The following PHF8 variants were observed in gnomAD, a reference collection of about 807,000 sequenced individuals.
PHF8 encodes the protein histone lysine demethylase PHF8.
A neutral mutation model predicts 74.4 loss-of-function variants in PHF8; 9 were observed. The observed-to-expected ratio is 0.12, with a 90% CI of 0.07 to 0.21. The LOEUF is 0.21. PHF8 is among the 10% of genes least tolerant of loss of function. The probability of loss-of-function intolerance (pLI) is 1.00; values close to 1 mark genes in which losing one functional copy is unlikely to be tolerated. For synonymous variants in PHF8, 311 were observed against 316.6 expected (o/e 0.98, Z 0.19); for missense variants, 478 against 816.6 (o/e 0.59, Z 5.05).
intron 12 of PHF8, 136 bp from the exon 13 acceptor site, chrX:53,994,039 A>G (rs187164053): frequency 4.2e-4 from 198 of 473,689 alleles, no homozygotes; most frequent in African/African-American, 4.1e-3. Context: ...TGCACACCCT[A>G]GCTTTTACAT....
chrX:53,985,813 C>T lies in PHF8; in HGVS notation c.2129+3G>A. The T allele has an allele frequency of 8.3e-7, 1 of 1,211,659 alleles. No individual in the cohort carries two copies. Among genetic ancestry groups the T allele is most frequent in the African/African-American group, 1.7e-5 (1 of 57,752 alleles). ...GAAAGGGGAGATAAAAGCCAGTACT[C>T]ACGTGAGGGCAGCATAGTCAGGTCC... On this transcript the variant is annotated splice_donor_region_variant and intron_variant, in intron 17 of 21. Transcript: ENST00000338154.
intron 2 of PHF8, among the ~76,000 whole-genome samples, chrX:54,037,000 T>TAAAAAA (rs56902207): frequency 1.6e-5 from 1 of 63,227 alleles, no homozygotes; most frequent in African/African-American, 5.7e-5. Flanking sequence ...TCAGAAAAAA[T>TAAAAAA]AAAAAAAAAA....
intron 14 of PHF8, among the ~76,000 whole-genome samples, chrX:53,988,308 C>A (rs782104584): frequency 9.0e-6 from 1 of 111,516 alleles, no homozygotes; most frequent in Admixed American, 9.6e-5. Context: ...GCTAAAGCAG[C>A]TCAGTGAGGG....
chrX:54,044,445 C>G lies in PHF8; in HGVS notation c.-776G>C. 1 of 752,033 alleles carries G rather than the reference C, an allele frequency of 1.3e-6. No homozygotes were observed. The highest frequency in any genetic ancestry group is 1.6e-6 in the Non-Finnish European group (1 of 636,787). The allele number at this position is 752,033 out of a possible 1,213,427, so 62.0% of individuals were successfully genotyped here. On this transcript the variant is annotated 5_prime_UTR_variant, in exon 1 of 22. Coordinates refer to ENST00000338154, the MANE Select transcript of PHF8 (RefSeq NM_015107.3). ...GCGCTACCCAGACAACCAAGGCGAC[C>G]GCCATCTTATGAGGGCTGGACTCGC... is the stretch of plus-strand genomic sequence containing the variant.
Position 53,987,859 on chromosome X carries a change from C to T in PHF8, c.1816G>A (p.Val606Met), listed in dbSNP as rs2065591697. 7.5e-6 allele frequency: 9 copies of T among 1,206,882 alleles called. No homozygotes were observed. The highest frequency in any genetic ancestry group is 9.0e-6 in the Non-Finnish European group (8 of 891,099). The change falls in exon 15 of 22, where the codon GTG (valine) becomes ATG (methionine). Residue 606 changes from valine (V) to methionine (M), a missense_variant. Val to Met is a conservative substitution (Grantham distance 21). This residue lies in a region of PHF8 where 153 missense variants were observed against 164.8 expected (regional missense o/e 0.93). Coordinates refer to ENST00000338154, the MANE Select transcript of PHF8 (RefSeq NM_015107.3). The stretch of plus-strand genomic sequence containing the variant: ...TCCAAGTCAAATTCGTCTTCCATCA[C>T]CTGTTCTGCCATCAGCCTAGCCTTG... ...VDKARLMAEQ[V>M]MEDEFDLDSD...
At chrX:53,967,266 T>TGG (rs1428184787) in intron 18 of PHF8, among the ~76,000 whole-genome samples, 6 of 41,297 alleles carry the variant, frequency 1.5e-4, no homozygotes, top group Admixed American at 2.8e-4. Flanking sequence ...GGGAGGGAGG[T>TGG]GGGGGGGTCA....
At chrX:53,973,956 C>T (rs960187038) in intron 18 of PHF8, among the ~76,000 whole-genome samples, 31 of 111,091 alleles carry the variant, frequency 2.8e-4, no homozygotes, top group African/African-American at 1.0e-3. Flanking sequence ...AAGAAAACAA[C>T]CCCACTAAAA....
intron 8 of PHF8, among the ~76,000 whole-genome samples, chrX:54,009,569 G>A (rs1192727885): frequency 2.7e-5 from 3 of 109,616 alleles, no homozygotes; most frequent in Non-Finnish European, 3.8e-5. Flanking sequence ...AGTGGGCCGG[G>A]TGCGGTGGCT....
intron 2 of PHF8, among the ~76,000 whole-genome samples, chrX:54,032,322 T>C (rs1303253546): frequency 2.7e-5 from 3 of 111,022 alleles, no homozygotes; most frequent in African/African-American, 9.8e-5. Context: ...GGAACCATAC[T>C]TGGAAAATCA....
intron 18 of PHF8, among the ~76,000 whole-genome samples, chrX:53,967,519 C>T (rs1314667948): frequency 2.7e-5 from 3 of 109,180 alleles, no homozygotes; most frequent in African/African-American, 9.9e-5. Context: ...CCCAGCCAGC[C>T]GCCCCGTCCG....
At chrX:53,989,003 C>T (rs1387386220) in intron 14 of PHF8, among the ~76,000 whole-genome samples, 1 of 107,381 alleles carries the variant, frequency 9.3e-6, no homozygotes, top group Non-Finnish European at 1.9e-5. Context: ...GCTCTGTCGC[C>T]CAGGCTGGAG....
intron 18 of PHF8, among the ~76,000 whole-genome samples, chrX:53,978,860 C>G (rs1010832780): frequency 5.6e-5 from 6 of 108,054 alleles, no homozygotes; most frequent in Non-Finnish European, 1.1e-4. Context: ...ATATTACATA[C>G]TGCATAATTC....
At chrX:54,026,224 G>T (rs1240621609) in intron 2 of PHF8, among the ~76,000 whole-genome samples, 3 of 109,495 alleles carry the variant, frequency 2.7e-5, no homozygotes, top group African/African-American at 1.0e-4. Flanking sequence ...AATGGTGGTG[G>T]GCGCCTATAA....
chrX:53,942,907 C>T, intron 20 of PHF8: 1 of 752,886 alleles, frequency 1.3e-6, no homozygotes, highest in Non-Finnish European at 1.6e-6. Flanking sequence ...GGAAGGAGGT[C>T]AGGGAGATGA....
chrX:54,024,929 T>G (rs1216060831), intron 2 of PHF8, among the ~76,000 whole-genome samples: 1 of 111,174 alleles, frequency 9.0e-6, no homozygotes, highest in Non-Finnish European at 1.9e-5. Context: ...CAGGCTGGAG[T>G]GCAGTGGCAC....
At chrX:53,947,264 G>A (rs1009492311) in intron 19 of PHF8, among the ~76,000 whole-genome samples, 2 of 111,345 alleles carry the variant, frequency 1.8e-5, no homozygotes, top group Non-Finnish European at 3.8e-5. Flanking sequence ...CACCCACCTC[G>A]GCCTCCAAAA....
Position 53,942,164 on chromosome X carries a change from C to G in PHF8, c.2650-1648G>C, listed in dbSNP as rs147914266. 1.2e-4 allele frequency among the ~76,000 whole-genome samples: 13 copies of G among 111,851 alleles called. No individual in the cohort carries two copies. In the East Asian group the frequency reaches 3.6e-3, roughly 31 times the overall value. The stretch of plus-strand genomic sequence containing the variant: ...TGCTCAAAAAGCTGTTAGCAGATCC[C>G]CGCCCAAGTTCAAACTCCCTGGCCT... On this transcript the variant is annotated intron_variant, in intron 20 of 21. Coordinates refer to ENST00000338154, the MANE Select transcript of PHF8 (RefSeq NM_015107.3).
chrX:54,009,844 GAA>G (rs782363250), intron 8 of PHF8, among the ~76,000 whole-genome samples: 6 of 9,390 alleles, frequency 6.4e-4, no homozygotes, highest in Admixed American at 2.8e-3. Flanking sequence ...CTCTGTCTCA[GAA>G]AAAAAAAAAA....
intron 2 of PHF8, among the ~76,000 whole-genome samples, chrX:54,027,882 T>C (rs180828845): frequency 9.2e-6 from 1 of 109,059 alleles, no homozygotes; most frequent in African/African-American, 3.4e-5. Context: ...ATGCAATTGG[T>C]GAAACACATT....
Sources: allele counts gnomAD v4.1 joint callset (sites outside exome capture counted in the v4.1 genomes callset), GRCh38; gene constraint gnomAD v4.1.1; regional missense constraint gnomAD v4.1.1; transcripts MANE v1.5; gene names NCBI Gene and HGNC (gene_info 2026-07-23, HGNC 2026-07-21).